The following ARHGEF33 variants were observed in gnomAD, a reference collection of about 807,000 sequenced individuals.
ARHGEF33 encodes DH and coiled-coil domain-containing protein ENSP00000381780.
A neutral mutation model predicts 101.9 loss-of-function variants in ARHGEF33; 72 were observed. The ratio of observed to expected loss-of-function variants is 0.71; its 90% CI spans 0.58 to 0.86. The LOEUF (loss-of-function observed/expected upper bound fraction) is 0.86, where lower values mean the gene tolerates loss of function less well. Among genes scored for constraint, ARHGEF33 ranks in the 40% least tolerant of loss-of-function variants. The probability of loss-of-function intolerance (pLI) is 0.00; values close to 1 mark genes in which losing one functional copy is unlikely to be tolerated. For synonymous variants in ARHGEF33, 499 were observed against 442.5 expected (o/e 1.13, Z -1.60); for missense variants, 1,169 against 1,111.3 (o/e 1.05, Z -0.74).
At chr2:38,957,249 A>C (rs1667790008) in intron 14 of ARHGEF33, among the ~76,000 whole-genome samples, 2 of 152,208 alleles carry the variant, frequency 1.3e-5, no homozygotes, top group Non-Finnish European at 2.9e-5. Context: ...TAGCAAAAAA[A>C]ACACTTCACT....
At chr2:38,931,873 G>A (rs1275188890) in intron 7 of ARHGEF33, among the ~76,000 whole-genome samples, 2 of 152,158 alleles carry the variant, frequency 1.3e-5, no homozygotes, top group Non-Finnish European at 2.9e-5. Context: ...AGATATTAAC[G>A]TTGTTTAGAT....
chr2:38,893,396 G>C (rs1056198303), intron 1 of ARHGEF33, among the ~76,000 whole-genome samples: 2 of 152,128 alleles, frequency 1.3e-5, no homozygotes, highest in African/African-American at 4.8e-5. Context: ...CTGAGCTCAA[G>C]CGATTTACCT....
chr2:38,963,602 T>C (rs1667992005), intron 16 of ARHGEF33, among the ~76,000 whole-genome samples: 1 of 152,232 alleles, frequency 6.6e-6, no homozygotes, highest in African/African-American at 2.4e-5. Flanking sequence ...TATGAAATGC[T>C]ATTGAGATCA....
At position 38,890,877 on chromosome 2, in the gene ARHGEF33, T is replaced by G. The variant is rs564555602; in HGVS notation, c.-159+891T>G. On this transcript the variant is annotated intron_variant, in intron 1 of 17. Transcript: ENST00000409978. ...TTTTCACAAACTGAATTAATTAATG[T>G]CTACATTTTTCATAACCATGGGCTC... Among the ~76,000 whole-genome samples, 39 of 152,268 alleles carry G rather than the reference T, an allele frequency of 2.6e-4. No homozygotes were observed. The East Asian group carries it at 7.3e-3, about 29-fold the overall frequency.
chr2:38,932,064 A>G (rs894519437), intron 7 of ARHGEF33, among the ~76,000 whole-genome samples: 14 of 152,220 alleles, frequency 9.2e-5, no homozygotes, highest in African/African-American at 3.4e-4. Flanking sequence ...CTAAAAATCT[A>G]AATCAAGTGG....
At chr2:38,951,786 T>A (rs932233987) in intron 11 of ARHGEF33, among the ~76,000 whole-genome samples, 18 of 152,280 alleles carry the variant, frequency 1.2e-4, no homozygotes, top group African/African-American at 4.3e-4. Flanking sequence ...ATGTGTATTT[T>A]CACACACAAT....
chr2:38,937,312 C>CGGGGGGGGGGGG, intron 8 of ARHGEF33, 23 bp from the exon 9 acceptor site: 152 of 583,222 alleles, frequency 2.6e-4, no homozygotes, highest in East Asian at 8.5e-4. Context: ...TTTGTTTCCC[C>CGGGGGGGGGGGG]GCCCCTCCCC....
In ARHGEF33 at chr2:38,966,101, G is replaced by C. The variant is rs1348811134; in HGVS notation, c.2439G>C (p.Gln813His). Residue 813 changes from glutamine to histidine, a missense_variant, in exon 17 of 18, where the codon CAG becomes CAC. Physicochemically the swap from Gln to His is conservative, Grantham distance 24. Transcript: ENST00000409978. ...GCGATCAAAATCCCAGGCAAGACCA[G>C]AAGGGGGGCTTTCGCAGCTCCTTCC... is the stretch of plus-strand genomic sequence containing the variant. ...SFSDQNPRQD[Q>H]KGGFRSSFRK... The C allele has an allele frequency of 6.4e-7, 1 of 1,551,626 alleles. No individual in the cohort carries two copies. Among genetic ancestry groups the C allele is most frequent in the East Asian group, 2.4e-5 (1 of 40,940 alleles).
At chr2:38,895,990 C>G (rs1394097893) in intron 2 of ARHGEF33, 141 bp downstream of exon 2, 1 of 152,058 alleles carries the variant, frequency 6.6e-6, no homozygotes, top group Non-Finnish European at 1.5e-5. Flanking sequence ...GTTTGATAAC[C>G]ATCAAATAAA....
At chr2:38,912,768 A>G (rs989936905) in intron 2 of ARHGEF33, among the ~76,000 whole-genome samples, 2 of 152,192 alleles carry the variant, frequency 1.3e-5, no homozygotes, top group Non-Finnish European at 2.9e-5. Flanking sequence ...AATCATATGG[A>G]CCTGCCCGAA....
chr2:38,930,869 A>G (rs1164503099), intron 6 of ARHGEF33, among the ~76,000 whole-genome samples: 2 of 152,224 alleles, frequency 1.3e-5, no homozygotes, highest in African/African-American at 2.4e-5. Context: ...AAGAATGTGG[A>G]TGTTATAATT....
intron 2 of ARHGEF33, among the ~76,000 whole-genome samples, chr2:38,908,380 G>A: frequency 6.6e-6 from 1 of 152,202 alleles, no homozygotes; most frequent in African/African-American, 2.4e-5. Context: ...GCCCCTGGAA[G>A]TGACTTTCAG....
intron 13 of ARHGEF33, 22 bp from the exon 14 acceptor site, chr2:38,956,877 C>G (rs75054940): frequency 1.9e-6 from 3 of 1,550,866 alleles, no homozygotes; most frequent in South Asian, 1.2e-5. Context: ...TGCAATGCTA[C>G]TTCCTTTTCC....
chr2:38,937,903 A>C (rs1373527592), intron 9 of ARHGEF33, among the ~76,000 whole-genome samples: 1 of 152,144 alleles, frequency 6.6e-6, no homozygotes. Context: ...TCTACCACCA[A>C]AATATCACAC....
chr2:38,903,258 T>C (rs1459295958), intron 2 of ARHGEF33, among the ~76,000 whole-genome samples: 1 of 152,186 alleles, frequency 6.6e-6, no homozygotes, highest in Middle Eastern at 3.4e-3. Flanking sequence ...CTATGATAAC[T>C]GAATTTACAG....
chr2:38,958,480 A>C (rs892397181), intron 15 of ARHGEF33, among the ~76,000 whole-genome samples: 5 of 152,212 alleles, frequency 3.3e-5, no homozygotes, highest in Admixed American at 3.3e-4. Flanking sequence ...AAATGCAACA[A>C]ATAGAGCCAA....
rs781444055 is a variant in ARHGEF33 at position 38,919,451 on chromosome 2, GA to G, written c.10del (p.Thr4ProfsTer13). On this transcript the variant is annotated frameshift_variant, in exon 3 of 18. Transcript: ENST00000409978. LOFTEE classifies it high-confidence loss of function. ...GAGAAGAGAAGTAACCGGCACTATG[GA>G]AAAAACCAAAACAAAGCAAGGTCAG... Reference protein sequence around the residue: MEKTKTKQGENE... With the variant: MXKTKTKQGENE... The G allele has an allele frequency of 7.5e-5, 116 of 1,551,706 alleles. No individual in the cohort carries two copies. Among genetic ancestry groups the G allele is most frequent in the Admixed American group, 1.2e-4 (6 of 50,980 alleles).
At chr2:38,937,198 G>C (rs1223094164) in intron 8 of ARHGEF33, 137 bp from the exon 9 acceptor site, 1 of 600,864 alleles carries the variant, frequency 1.7e-6, no homozygotes, top group Admixed American at 2.9e-5. Context: ...GTTTCACCAT[G>C]TTAGCCAGGA....
intron 17 of ARHGEF33, chr2:38,972,023 G>A (rs937813625): frequency 1.3e-5 from 9 of 698,982 alleles, no homozygotes; most frequent in African/African-American, 1.1e-4. Context: ...GTAGCTAAGA[G>A]GGGAAATACG....
Sources: allele counts gnomAD v4.1 joint callset (sites outside exome capture counted in the v4.1 genomes callset), GRCh38; gene constraint gnomAD v4.1.1; transcripts MANE v1.5; gene names NCBI Gene and HGNC (gene_info 2026-07-23, HGNC 2026-07-21).